The following TYR variants were observed in gnomAD, a reference collection of about 807,000 sequenced individuals.
TYR encodes the protein tyrosinase.
Under a neutral mutation model 51.5 loss-of-function variants are expected in TYR, and 58 were observed. The observed-to-expected ratio is 1.13, with a 90% CI of 0.91 to 1.40. The LOEUF (loss-of-function observed/expected upper bound fraction) is 1.40. TYR is among the 40% of genes most tolerant of loss of function. The pLI, the probability that TYR is intolerant of heterozygous loss-of-function variation, is 0.00. For synonymous variants in TYR, 263 were observed against 235.2 expected, an observed-to-expected ratio of 1.12 and a Z score of -1.08; for missense variants, 732 against 647.4, an observed-to-expected ratio of 1.13 and a Z score of -1.42.
chr11:89,217,161 A>T (rs1943842098), intron 2 of TYR, among the ~76,000 whole-genome samples: 1 of 152,206 alleles, frequency 6.6e-6, no homozygotes, highest in Non-Finnish European at 1.5e-5. Context: ...CTGTAGTGGT[A>T]AATGAAGTGT....
chr11:89,194,650 T>TTCTATGTATCTA (rs1943491624), intron 2 of TYR, among the ~76,000 whole-genome samples: 1 of 150,494 alleles, frequency 6.6e-6, no homozygotes, highest in African/African-American at 2.5e-5. Flanking sequence ...CCTCCATTTT[T>TTCTATGTATCTA]TCTATCTATC....
chr11:89,264,243 A>T (rs114523474), intron 3 of TYR, among the ~76,000 whole-genome samples: 1,778 of 152,184 alleles, frequency 0.012, 34 homozygotes, highest in African/African-American at 0.041. Context: ...AATATGTAAA[A>T]CAGATACAAA....
intron 3 of TYR, among the ~76,000 whole-genome samples, chr11:89,236,391 A>G (rs1250795932): frequency 6.6e-6 from 1 of 152,152 alleles, no homozygotes; most frequent in Non-Finnish European, 1.5e-5. Flanking sequence ...GTGAAAAGCC[A>G]CTCTGCAACC....
At chr11:89,256,246 G>A (rs555623677) in intron 3 of TYR, among the ~76,000 whole-genome samples, 15 of 151,726 alleles carry the variant, frequency 9.9e-5, no homozygotes, top group Non-Finnish European at 2.2e-4. Flanking sequence ...ATGTGTGAAC[G>A]TAAGTTATTG....
chr11:89,238,911 G>T (rs1944156645), intron 3 of TYR, among the ~76,000 whole-genome samples: 2 of 151,988 alleles, frequency 1.3e-5, no homozygotes, highest in South Asian at 4.1e-4. Flanking sequence ...AACTATCCTT[G>T]CATCTTTGGG....
At chr11:89,247,871 G>C (rs1038046059) in intron 3 of TYR, among the ~76,000 whole-genome samples, 1 of 152,094 alleles carries the variant, frequency 6.6e-6, no homozygotes, top group Non-Finnish European at 1.5e-5. Context: ...TAATTATTTC[G>C]AGAGCCAAAT....
chr11:89,221,161 T>C (rs7946027), intron 2 of TYR, among the ~76,000 whole-genome samples: 3,081 of 152,332 alleles, frequency 0.02, 96 homozygotes, highest in African/African-American at 0.069. Flanking sequence ...CCTGACTTTC[T>C]GTTCAGTGAC....
At chr11:89,262,166 C>A (rs1565416488) in intron 3 of TYR, among the ~76,000 whole-genome samples, 1 of 152,034 alleles carries the variant, frequency 6.6e-6, no homozygotes, top group Non-Finnish European at 1.5e-5. Flanking sequence ...TCAAGTGATT[C>A]TCCTGCCTCG....
intron 2 of TYR, among the ~76,000 whole-genome samples, chr11:89,211,870 G>T (rs554255145): frequency 3.3e-5 from 5 of 152,192 alleles, no homozygotes; most frequent in African/African-American, 9.6e-5. Flanking sequence ...CAAAATGAAG[G>T]CAGAAATAAA....
In TYR at chr11:89,192,840, C is replaced by T. The variant is rs1378048566; in HGVS notation, c.1036+1422C>T. Among the ~76,000 whole-genome samples the T allele has an allele frequency of 2.0e-5, 3 of 152,126 alleles. No homozygotes were observed. The East Asian group carries it at 5.8e-4, about 29-fold the overall frequency. ...AGGAAGATTGTATTTATTATTCCCA[C>T]TTTTAAGGGAGGAAACATTATCAGA... On this transcript the variant is annotated intron_variant, in intron 2 of 4. Coordinates refer to ENST00000263321, the MANE Select transcript of TYR (RefSeq NM_000372.5).
chr11:89,269,315 C>A (rs1944562302), intron 3 of TYR, among the ~76,000 whole-genome samples: 1 of 151,938 alleles, frequency 6.6e-6, no homozygotes, highest in Non-Finnish European at 1.5e-5. Context: ...TGTTAGGAGA[C>A]ATTTTCTAGA....
chr11:89,282,460 G>A (rs920435491), intron 3 of TYR, among the ~76,000 whole-genome samples: 27 of 151,888 alleles, frequency 1.8e-4, no homozygotes, highest in African/African-American at 5.8e-4. Flanking sequence ...GTAAAATACA[G>A]GTAGAGTGTT....
At chr11:89,200,372 T>C (rs1943582014) in intron 2 of TYR, 1 of 152,168 alleles carries the variant, frequency 6.6e-6, no homozygotes, top group Non-Finnish European at 1.5e-5. Context: ...CCACCACACC[T>C]GGCCTAACTT....
intron 4 of TYR, 130 bp from the exon 5 acceptor site, chr11:89,295,013 C>A: frequency 6.9e-7 from 1 of 1,450,754 alleles, no homozygotes; most frequent in Non-Finnish European, 9.4e-7. Context: ...CAAGCTCTTA[C>A]AGTTAATAAG....
intron 3 of TYR, among the ~76,000 whole-genome samples, chr11:89,265,739 A>T (rs1426076832): frequency 1.3e-5 from 2 of 151,970 alleles, no homozygotes; most frequent in Non-Finnish European, 2.9e-5. Context: ...CTCCCTTTCC[A>T]TAGTGGAGAT....
intron 3 of TYR, among the ~76,000 whole-genome samples, chr11:89,245,027 C>T (rs1275395393): frequency 6.6e-6 from 1 of 152,196 alleles, no homozygotes; most frequent in East Asian, 1.9e-4. Flanking sequence ...ATCTGCAGCA[C>T]CTATCACTAT....
chr11:89,222,323 C>T (rs190016329), intron 2 of TYR, among the ~76,000 whole-genome samples: 45 of 152,222 alleles, frequency 3.0e-4, no homozygotes, highest in African/African-American at 1.1e-3. Flanking sequence ...CCATTCTAAA[C>T]CAGTTATATC....
intron 4 of TYR, among the ~76,000 whole-genome samples, chr11:89,292,247 A>G (rs1226912644): frequency 6.6e-6 from 1 of 152,034 alleles, no homozygotes; most frequent in Non-Finnish European, 1.5e-5. Flanking sequence ...TAACACATTC[A>G]GTCATTCAGT....
chr11:89,278,337 A>G (rs570890819), intron 3 of TYR, among the ~76,000 whole-genome samples: 15 of 151,802 alleles, frequency 9.9e-5, no homozygotes, highest in African/African-American at 3.4e-4. Flanking sequence ...GTTACTGTCT[A>G]TCTCCACCAC....
Sources: gnomAD v4.1 joint callset for allele counts (sites outside exome capture counted in the v4.1 genomes callset) on GRCh38, gnomAD v4.1.1 for gene constraint, MANE v1.5 for transcripts, NCBI Gene and HGNC (gene_info 2026-07-23, HGNC 2026-07-21) for gene names.